The following NOCT variants were observed in gnomAD, a reference collection of about 807,000 sequenced individuals.
NOCT encodes CCR4 carbon catabolite repression 4-like.
NOCT carries 18 observed loss-of-function variants against 35.0 expected under a neutral mutation model. The ratio of observed to expected loss-of-function variants is 0.51; its 90% CI spans 0.36 to 0.76. The LOEUF (loss-of-function observed/expected upper bound fraction) is 0.76. Among genes scored for constraint, NOCT ranks in the 30% least tolerant of loss-of-function variants. The pLI, the probability that NOCT is intolerant of heterozygous loss-of-function variation, is 0.01. For synonymous variants in NOCT, 235 were observed against 226.3 expected, an observed-to-expected ratio of 1.04 and a Z score of -0.34; for missense variants, 479 against 541.0, an observed-to-expected ratio of 0.89 and a Z score of 1.14.
At chr4:139,039,191 A>G (rs1258421381) in intron 1 of NOCT, among the ~76,000 whole-genome samples, 3 of 151,204 alleles carry the variant, frequency 2.0e-5, no homozygotes, top group African/African-American at 7.3e-5. Context: ...AAAAAAAGCC[A>G]TTCTTAGCTT....
chr4:139,029,995 G>A (rs974931504), intron 1 of NOCT, among the ~76,000 whole-genome samples: 3 of 152,134 alleles, frequency 2.0e-5, no homozygotes, highest in African/African-American at 4.8e-5. Flanking sequence ...AGGTTCAAGC[G>A]ATTCTCATGC....
In NOCT at chr4:139,045,717, C is replaced by T. The variant is rs149471540; in HGVS notation, c.*243C>T. The T allele has an allele frequency of 1.1e-3, 398 of 359,102 alleles. 2 individuals are homozygous for T. Among genetic ancestry groups the T allele is most frequent in the African/African-American group, 7.6e-3 (364 of 47,728 alleles). The allele number at this position is 359,102 out of a possible 1,614,324, so 22.2% of individuals were successfully genotyped here. On this transcript the variant is annotated 3_prime_UTR_variant, in exon 3 of 3. Transcript: ENST00000280614. ...ATTTTTAGTAGAGACGGGGTTTCAC[C>T]GTGTTAGCCAGGATGGTCTCGATCT...
At chr4:139,017,304 C>G (rs1228845943) in intron 1 of NOCT, among the ~76,000 whole-genome samples, 1 of 148,772 alleles carries the variant, frequency 6.7e-6, no homozygotes, top group South Asian at 2.1e-4. Context: ...CTCGGCTCAC[C>G]GCAACCTCTG....
At chr4:139,028,471 A>C (rs1560731006) in intron 1 of NOCT, 1 of 152,316 alleles carries the variant, frequency 6.6e-6, no homozygotes, top group South Asian at 2.1e-4. Context: ...GGGTCGTGGC[A>C]CTGCTTTGTA....
intron 1 of NOCT, among the ~76,000 whole-genome samples, chr4:139,027,786 A>G (rs538657642): frequency 2.0e-5 from 3 of 152,226 alleles, no homozygotes; most frequent in Admixed American, 6.5e-5. Flanking sequence ...GCTTGAGCCA[A>G]CGCGCCTGGC....
intron 1 of NOCT, among the ~76,000 whole-genome samples, chr4:139,021,588 TG>T (rs2148642360): frequency 6.6e-6 from 1 of 152,102 alleles, no homozygotes; most frequent in South Asian, 2.1e-4. Context: ...GAGGTTGTAA[TG>T]GGAGTGTATC....
In NOCT at chr4:139,045,196, T is replaced by C. The variant is rs1726909847; in HGVS notation, c.1018T>C (p.Ser340Pro). The C allele has an allele frequency of 1.9e-6, 3 of 1,614,186 alleles. No homozygotes were observed. Among genetic ancestry groups the C allele is most frequent in the Non-Finnish European group, 2.5e-6 (3 of 1,180,022 alleles). Residue 340 changes from serine to proline, a missense_variant, in exon 3 of 3, where the codon TCC becomes CCC. Around this residue, in one of 2 missense-constraint regions of NOCT, gnomAD observed 214 missense variants for 284.0 expected, o/e 0.75. Coordinates refer to ENST00000280614, the MANE Select transcript of NOCT (RefSeq NM_012118.4). ...TEEVYKHFAS[S>P]SLNLNSAYKL... ...AGAGGTCTACAAACACTTTGCTTCC[T>C]CCAGCCTCAACCTGAACAGCGCCTA...
At chr4:139,044,603 G>T (rs775989804) in intron 2 of NOCT, 36 bp from the exon 3 acceptor site, 6 of 1,411,428 alleles carry the variant, frequency 4.3e-6, no homozygotes, top group East Asian at 2.3e-5. Context: ...TCACGGTTTT[G>T]TAAGAGCTGA....
In NOCT at chr4:139,043,220, G is replaced by A; in HGVS notation, c.337G>A (p.Glu113Lys). 1.2e-6 allele frequency: 2 copies of A among 1,614,210 alleles called. No individual in the cohort carries two copies. Among genetic ancestry groups the A allele is most frequent in the Non-Finnish European group, 8.5e-7 (1 of 1,180,038 alleles). The change falls in exon 2 of 3, where the codon GAA becomes AAA. Residue 113 changes from glutamate (E) to lysine (K), a missense_variant. Around this residue, in one of 2 missense-constraint regions of NOCT, gnomAD observed 265 missense variants for 257.0 expected, o/e 1.03. Transcript: ENST00000280614. ...CATTGATCCTAAAGAGCTTCTTGAG[G>A]AATGCAGGGCCGTCCTGCACACCCG... ...EPIDPKELLEECRAVLHTRPP... is the reference protein window; with the variant it reads ...EPIDPKELLEKCRAVLHTRPP...
intron 1 of NOCT, among the ~76,000 whole-genome samples, chr4:139,039,261 C>A (rs900265690): frequency 6.6e-6 from 1 of 151,074 alleles, no homozygotes; most frequent in Non-Finnish European, 1.5e-5. Context: ...AGACAATATT[C>A]CAGTTTTGCT....
rs1304716262 is a variant in NOCT, at chr4:139,045,484, T to G, written c.*10T>G. 3 of 1,425,534 alleles carry G rather than the reference T, an allele frequency of 2.1e-6. No individual in the cohort carries two copies. Among genetic ancestry groups the G allele is most frequent in the Non-Finnish European group, 2.9e-6 (3 of 1,038,050 alleles). 88.3% of individuals were successfully genotyped at this position (1,425,534 alleles called of 1,614,324 possible). ...TGATGGACTTTCATAAATACTTGCT[T>G]TTGTCTTTTTAATCACAGGAGTCTA... On this transcript the variant is annotated 3_prime_UTR_variant, in exon 3 of 3. Coordinates refer to ENST00000280614, the MANE Select transcript of NOCT (RefSeq NM_012118.4).
intron 1 of NOCT, among the ~76,000 whole-genome samples, chr4:139,030,994 T>C (rs2148644610): frequency 6.6e-6 from 1 of 152,264 alleles, no homozygotes; most frequent in South Asian, 2.1e-4. Flanking sequence ...ATCAGCGTTT[T>C]TGCCAGGCCA....
chr4:139,020,831 C>T (rs904096880), intron 1 of NOCT, among the ~76,000 whole-genome samples: 3 of 151,744 alleles, frequency 2.0e-5, no homozygotes, highest in African/African-American at 4.8e-5. Context: ...TTTGGGAGGC[C>T]GAGGTGCGGA....
chr4:139,021,897 T>G (rs1726421966), intron 1 of NOCT, among the ~76,000 whole-genome samples: 1 of 152,128 alleles, frequency 6.6e-6, no homozygotes, highest in Non-Finnish European at 1.5e-5. Context: ...TAGCTGGGAC[T>G]ACAGGCATGC....
In NOCT at chr4:139,016,867, C is replaced by G. The variant is rs140159713; in HGVS notation, c.190+696C>G. On this transcript the variant is annotated intron_variant, in intron 1 of 2. Coordinates refer to ENST00000280614, the MANE Select transcript of NOCT (RefSeq NM_012118.4). Reference sequence around the variant, plus strand: ...CGGGGGTTTCACCATTTTGGCCAGGCTGGTCTTGAACTCCTGACCTCGTGA... The same window carrying G: ...CGGGGGTTTCACCATTTTGGCCAGGGTGGTCTTGAACTCCTGACCTCGTGA... 3.1e-4 allele frequency among the ~76,000 whole-genome samples: 47 copies of G among 151,582 alleles called. 1 individual carries two copies. The highest frequency in any genetic ancestry group is 1.1e-3 in the African/African-American group (45 of 41,372).
chr4:139,045,018 C>A lies in NOCT; in HGVS notation c.840C>A (p.Phe280Leu). The A allele has an allele frequency of 6.2e-7, 1 of 1,614,258 alleles. No individual in the cohort carries two copies. The highest frequency in any genetic ancestry group is 8.5e-7 in the Non-Finnish European group (1 of 1,180,046). The part of the protein sequence containing the change: ...TLECKESGRQ[F>L]CIAVTHLKAR... Reference sequence around the variant, plus strand: ...AGTGCAAGGAGTCAGGCCGACAGTTCTGCATCGCTGTTACCCATCTAAAAG... The same window carrying A: ...AGTGCAAGGAGTCAGGCCGACAGTTATGCATCGCTGTTACCCATCTAAAAG... Residue 280 changes from phenylalanine (F) to leucine (L), a missense_variant, in exon 3 of 3, where the codon TTC (phenylalanine) becomes TTA (leucine). Physicochemically the swap from Phe to Leu is conservative, Grantham distance 22. Around this residue, in one of 2 missense-constraint regions of NOCT, gnomAD observed 214 missense variants for 284.0 expected, o/e 0.75. Coordinates refer to ENST00000280614, the MANE Select transcript of NOCT (RefSeq NM_012118.4).
rs756483244 is a variant in NOCT, at chr4:139,043,058, A to G, written c.191-16A>G. 2 of 1,578,182 alleles carry G rather than the reference A, an allele frequency of 1.3e-6. No individual in the cohort carries two copies. Among genetic ancestry groups the G allele is most frequent in the South Asian group, 2.3e-5 (2 of 88,306 alleles). ...AAAAGGAGCTGAGTGTGTAACTGTG[A>G]TTTCCTTTTCCGTAGTGTGTTCCAT... On this transcript the variant is annotated splice_polypyrimidine_tract_variant and intron_variant, in intron 1 of 2. Transcript: ENST00000280614.
chr4:139,032,141 GAA>G (rs1315287574), intron 1 of NOCT, among the ~76,000 whole-genome samples: 2 of 152,206 alleles, frequency 1.3e-5, no homozygotes, highest in African/African-American at 4.8e-5. Flanking sequence ...ATAAAAGTAA[GAA>G]GAGTTATATT....
rs924519300 is a variant in NOCT at position 139,045,915 on chromosome 4, G to A, written c.*441G>A. ...AGTCCCTTTTTCAATTAAAACCTAT[G>A]GTGAAAAAGGCGTTTGCACTCCAAT... On this transcript the variant is annotated 3_prime_UTR_variant, in exon 3 of 3. Coordinates refer to ENST00000280614, the MANE Select transcript of NOCT (RefSeq NM_012118.4). The A allele has an allele frequency of 1.3e-5, 2 of 153,190 alleles. No individual in the cohort carries two copies. The highest frequency in any genetic ancestry group is 4.8e-5 in the African/African-American group (2 of 41,410). 9.5% of individuals were successfully genotyped at this position (153,190 alleles called of 1,614,324 possible).
Sources: gnomAD v4.1 joint callset for allele counts (sites outside exome capture counted in the v4.1 genomes callset) on GRCh38, gnomAD v4.1.1 for gene constraint, gnomAD v4.1.1 regional missense constraint, MANE v1.5 for transcripts, NCBI Gene and HGNC (gene_info 2026-07-23, HGNC 2026-07-21) for gene names.